The following SKIL variants were observed in gnomAD, a reference collection of about 807,000 sequenced individuals.
The protein encoded by SKIL is ski-like protein.
SKIL carries 20 observed loss-of-function variants against 69.6 expected under a neutral mutation model. The ratio of observed to expected loss-of-function variants is 0.29; its 90% CI spans 0.20 to 0.42. SKIL has a LOEUF of 0.42. Ranked by LOEUF, SKIL falls within the 10% of genes least tolerant of loss-of-function variation. The pLI, the probability that SKIL is intolerant of heterozygous loss-of-function variation, is 1.00. For missense variants in SKIL, 745 were observed against 783.1 expected, an observed-to-expected ratio of 0.95 and a Z score of 0.58; for synonymous variants, 310 against 279.9, an observed-to-expected ratio of 1.11 and a Z score of -1.08.
chr3:170,393,043 T>C lies in SKIL; in HGVS notation c.*626T>C, dbSNP rs913126562. 13 of 152,188 alleles carry C rather than the reference T, an allele frequency of 8.5e-5. No individual in the cohort carries two copies. Among genetic ancestry groups the C allele is most frequent in the African/African-American group, 3.1e-4 (13 of 41,452 alleles). The allele number at this position is 152,188 out of a possible 1,614,324, so 9.4% of individuals were successfully genotyped here. On this transcript the variant is annotated 3_prime_UTR_variant, in exon 7 of 7. Transcript: ENST00000259119. ...CACAGTGGGGAAGAAGAATGTGTTG[T>C]TATGTGCTGCTGCTAAACAGAAGCA...
chr3:170,365,751 G>GTTTTTTTTT (rs1560207824), intron 2 of SKIL, among the ~76,000 whole-genome samples: 1 of 92,442 alleles, frequency 1.1e-5, no homozygotes, highest in South Asian at 3.8e-4. Context: ...GTCAAACTAG[G>GTTTTTTTTT]CTTTTTTTTT....
intron 2 of SKIL, among the ~76,000 whole-genome samples, chr3:170,372,874 G>C (rs1480935488): frequency 1.3e-5 from 2 of 152,086 alleles, no homozygotes; most frequent in African/African-American, 4.8e-5. Flanking sequence ...TAGGGAGATA[G>C]ACTATTAAAT....
At chr3:170,378,359 T>C (rs1246041570) in intron 2 of SKIL, among the ~76,000 whole-genome samples, 4 of 152,184 alleles carry the variant, frequency 2.6e-5, no homozygotes, top group Non-Finnish European at 5.9e-5. Context: ...CCTCCATTAG[T>C]AGGATCTCAG....
intron 2 of SKIL, among the ~76,000 whole-genome samples, chr3:170,378,387 G>T (rs1317462584): frequency 1.3e-5 from 2 of 152,120 alleles, no homozygotes; most frequent in African/African-American, 4.8e-5. Context: ...ACCAGAGTTT[G>T]GATAGTTTAG....
At chr3:170,362,807 T>C (rs1019202168) in intron 2 of SKIL, among the ~76,000 whole-genome samples, 4 of 146,428 alleles carry the variant, frequency 2.7e-5, no homozygotes, top group Admixed American at 2.1e-4. Flanking sequence ...AGAGTAAGAC[T>C]CCATTTCAAA....
chr3:170,371,361 G>C lies in SKIL; in HGVS notation c.1099-9883G>C, dbSNP rs191581630. Among the ~76,000 whole-genome samples, 24 of 152,198 alleles carry C rather than the reference G, an allele frequency of 1.6e-4. No individual in the cohort carries two copies. The South Asian group carries it at 5.0e-3, about 32-fold the overall frequency. ...ACTAAAAATAATAATAAAAAAAATA[G>C]CTGGGCATGGTGGCACACGCCTGTA... On this transcript the variant is annotated intron_variant, in intron 2 of 6. Transcript: ENST00000259119.
intron 2 of SKIL, among the ~76,000 whole-genome samples, chr3:170,367,766 G>T (rs1736615064): frequency 1.3e-5 from 2 of 152,096 alleles, no homozygotes; most frequent in Non-Finnish European, 2.9e-5. Flanking sequence ...ACCGTGCCTG[G>T]CTAAAATTTA....
intron 4 of SKIL, among the ~76,000 whole-genome samples, chr3:170,387,881 C>T (rs1371662200): frequency 7.8e-6 from 1 of 127,820 alleles, no homozygotes. Context: ...TTGCAGTGAG[C>T]CGAGATCCCG....
chr3:170,360,191 A>T lies in SKIL; in HGVS notation c.-141A>T. The T allele has an allele frequency of 1.3e-6, 1 of 789,668 alleles. No homozygotes were observed. Among genetic ancestry groups the T allele is most frequent in the Non-Finnish European group, 2.0e-6 (1 of 506,740 alleles). The allele number at this position is 789,668 out of a possible 1,614,324, so 48.9% of individuals were successfully genotyped here. ...CCAAAACTAAGTCGCAAAATTTATT[A>T]ATTTAAGGGGCTCTCGCTTTGAAAG... On this transcript the variant is annotated 5_prime_UTR_variant, in exon 2 of 7. Coordinates refer to ENST00000259119, the MANE Select transcript of SKIL (RefSeq NM_005414.5).
At position 170,390,299 on chromosome 3, in the gene SKIL, C is replaced by G. The variant is rs1737850830; in HGVS notation, c.1506C>G (p.Asn502Lys). ...CTTGCAACTTAGTCAGAGACATAAA[C>G]AAAGTGGGAATTGGCCTTGTTGCTG... ...SATCNLVRDI[N>K]KVGIGLVAAA... Residue 502 changes from asparagine (N) to lysine (K), a missense_variant, in exon 5 of 7, where the codon AAC becomes AAG. By Grantham distance (94) the Asn-to-Lys change is moderately conservative. Transcript: ENST00000259119. 6.2e-7 allele frequency: 1 copy of G among 1,613,658 alleles called. No homozygotes were observed. The highest frequency in any genetic ancestry group is 8.5e-7 in the Non-Finnish European group (1 of 1,179,694).
chr3:170,384,809 A>T lies in SKIL; in HGVS notation c.1429+44A>T, dbSNP rs1319760998. On this transcript the variant is annotated intron_variant, in intron 4 of 6. Coordinates refer to ENST00000259119, the MANE Select transcript of SKIL (RefSeq NM_005414.5). The stretch of plus-strand genomic sequence containing the variant: ...TCTTTCTAAAATTAAATATCTAATG[A>T]ACACATTTATTGAGCATTTTCAAAC... 9 of 1,027,716 alleles carry T rather than the reference A, an allele frequency of 8.8e-6. No individual in the cohort carries two copies. The East Asian group carries it at 2.2e-4, about 25-fold the overall frequency. 63.7% of individuals were successfully genotyped at this position (1,027,716 alleles called of 1,614,324 possible).
chr3:170,363,489 A>T (rs1736340863), intron 2 of SKIL, among the ~76,000 whole-genome samples: 1 of 145,896 alleles, frequency 6.9e-6, no homozygotes, highest in South Asian at 2.1e-4. Context: ...TTATTAACTG[A>T]TTTTTTTTTT....
At position 170,381,247 on chromosome 3, in the gene SKIL, G is replaced by A; in HGVS notation, c.1102G>A (p.Asp368Asn). ...RSGKRNQSKT[D>N]APSGMELQSW... is the part of the protein sequence containing the mutation. ...TCCCTTCCATGTTTTTCTGCAGACA[G>A]ATGCACCATCAGGAATGGAATTACA... The change falls in exon 3 of 7, where the codon GAT (aspartate) becomes AAT (asparagine). Residue 368 changes from aspartate to asparagine, a missense_variant. Physicochemically the swap from Asp to Asn is conservative, Grantham distance 23. Coordinates refer to ENST00000259119, the MANE Select transcript of SKIL (RefSeq NM_005414.5). 1 of 1,546,202 alleles carries A rather than the reference G, an allele frequency of 6.5e-7. No homozygotes were observed. The highest frequency in any genetic ancestry group is 8.9e-7 in the Non-Finnish European group (1 of 1,118,246).
chr3:170,392,125 T>C, intron 6 of SKIL, 134 bp from the exon 7 acceptor site: 1 of 658,202 alleles, frequency 1.5e-6, no homozygotes, highest in South Asian at 2.3e-5. Flanking sequence ...TAGTATTAGA[T>C]GCTTAATGGA....
chr3:170,386,051 C>T (rs1737614474), intron 4 of SKIL, among the ~76,000 whole-genome samples: 1 of 149,638 alleles, frequency 6.7e-6, no homozygotes, highest in Admixed American at 6.6e-5. Flanking sequence ...CTCGGCCTCC[C>T]AACCAAAGTG....
chr3:170,361,637 GAAGT>G (rs1192581840), intron 2 of SKIL, among the ~76,000 whole-genome samples: 1 of 152,196 alleles, frequency 6.6e-6, no homozygotes, highest in African/African-American at 2.4e-5. Context: ...TCCTGTGAGA[GAAGT>G]AAGACTATTA....
At chr3:170,358,150 G>A (rs1307900988) in intron 1 of SKIL, among the ~76,000 whole-genome samples, 1 of 152,174 alleles carries the variant, frequency 6.6e-6, no homozygotes, top group Admixed American at 6.5e-5. Flanking sequence ...AGCCCCCGGC[G>A]GCGCAGGGAT....
intron 5 of SKIL, 124 bp from the exon 6 acceptor site, chr3:170,390,912 C>T: frequency 7.1e-6 from 4 of 559,884 alleles, no homozygotes; most frequent in African/African-American, 1.9e-5. Context: ...AAATAATTAC[C>T]TCTATATAGA....
At chr3:170,358,724 A>G (rs1241757319) in intron 1 of SKIL, 2 of 152,206 alleles carry the variant, frequency 1.3e-5, no homozygotes, top group African/African-American at 4.8e-5. Flanking sequence ...AAGGAAGTGG[A>G]AAAAGAGTCT....
Sources: allele counts gnomAD v4.1 joint callset (sites outside exome capture counted in the v4.1 genomes callset), GRCh38; gene constraint gnomAD v4.1.1; transcripts MANE v1.5; gene names NCBI Gene and HGNC (gene_info 2026-07-23, HGNC 2026-07-21).